GRID2: variants seen among roughly 807,000 people sequenced by gnomAD.
The protein encoded by GRID2 is glutamate ionotropic receptor delta type subunit 2, also known as glutamate receptor ionotropic, delta-2.
Under a neutral mutation model 114.8 loss-of-function variants are expected in GRID2, and 33 were observed. The ratio of observed to expected loss-of-function variants is 0.29; its 90% CI spans 0.22 to 0.38. The LOEUF is 0.38. Among genes scored for constraint, GRID2 ranks in the 10% least tolerant of loss-of-function variants. GRID2 has a pLI of 1.00. For missense variants in GRID2, 1,184 were observed against 1,257.7 expected (o/e 0.94, Z 0.89); for synonymous variants, 505 against 449.9 (o/e 1.12, Z -1.55).
chr4:93,744,983 C>CA (rs942947550), intron 14 of GRID2, among the ~76,000 whole-genome samples: 3 of 152,032 alleles, frequency 2.0e-5, no homozygotes, highest in Non-Finnish European at 4.4e-5. Flanking sequence ...GCATTTTTAG[C>CA]AAAAATATTT....
intron 14 of GRID2, among the ~76,000 whole-genome samples, chr4:93,755,997 G>T (rs558072555): frequency 6.5e-4 from 99 of 152,182 alleles, no homozygotes; most frequent in African/African-American, 2.2e-3. Flanking sequence ...AATAAAATTT[G>T]GTACTTACCT....
At chr4:93,268,022 G>T (rs1228652625) in intron 8 of GRID2, among the ~76,000 whole-genome samples, 2 of 152,148 alleles carry the variant, frequency 1.3e-5, no homozygotes, top group Non-Finnish European at 2.9e-5. Flanking sequence ...GTATTGCAGA[G>T]ACACTCACCT....
intron 1 of GRID2, among the ~76,000 whole-genome samples, chr4:92,386,818 A>T (rs1444325082): frequency 1.3e-5 from 2 of 151,924 alleles, no homozygotes; most frequent in African/African-American, 2.4e-5. Context: ...ACAAGAGAAG[A>T]AAAACAGGCA....
In GRID2 at chr4:93,332,295, T is replaced by TGAGAGA. The variant is rs1353456848; in HGVS notation, c.1246-63311_1246-63310insAGAGAG. Among the ~76,000 whole-genome samples the TGAGAGA allele has an allele frequency of 1.4e-3, 175 of 128,946 alleles. 1 individual carries two copies. Among genetic ancestry groups the TGAGAGA allele is most frequent in the African/African-American group, 4.9e-3 (146 of 29,516 alleles). The allele number at this position is 128,946 out of a possible 152,430, so 84.6% of individuals were successfully genotyped here. A position where few individuals can be genotyped will look rare whatever the true frequency, so the allele number is the denominator to read the frequency against. The stretch of plus-strand genomic sequence containing the variant: ...GTGTGTGTGTGTGTGTGTGTGTGTG[T>TGAGAGA]GTGTGAGAGAGAGAGAGAGAGAGAG... On this transcript the variant is annotated intron_variant, in intron 8 of 15. Transcript: ENST00000282020.
At chr4:93,010,592 T>G (rs559833786) in intron 2 of GRID2, among the ~76,000 whole-genome samples, 1 of 152,294 alleles carries the variant, frequency 6.6e-6, no homozygotes, top group African/African-American at 2.4e-5. Flanking sequence ...CCTTGCATTT[T>G]TTAAAAAAGG....
chr4:93,684,520 G>A (rs1407066673), intron 14 of GRID2, among the ~76,000 whole-genome samples: 2 of 152,102 alleles, frequency 1.3e-5, no homozygotes, highest in Non-Finnish European at 2.9e-5. Flanking sequence ...GTGAAACAAA[G>A]AGAATGCTAA....
intron 4 of GRID2, among the ~76,000 whole-genome samples, chr4:93,128,051 A>AC (rs1734453397): frequency 2.3e-5 from 3 of 130,504 alleles, no homozygotes; most frequent in African/African-American, 1.0e-4. Flanking sequence ...AAAAAAAAAA[A>AC]AAAAAAAACA....
rs183805974 is a variant in GRID2, at chr4:92,907,822, G to A, written c.245-177173G>A. Among the ~76,000 whole-genome samples, 443 of 152,110 alleles carry A rather than the reference G, an allele frequency of 2.9e-3. 2 individuals carry two copies. Among genetic ancestry groups the A allele is most frequent in the Middle Eastern group, 0.014 (4 of 290 alleles). Reference sequence around the variant, plus strand: ...GCAGATCACCTGAGGTTAGGAGTTCGAGACCAGCCTGACCAACATGGTGAA... The same window carrying A: ...GCAGATCACCTGAGGTTAGGAGTTCAAGACCAGCCTGACCAACATGGTGAA... On this transcript the variant is annotated intron_variant, in intron 2 of 15. Transcript: ENST00000282020.
At chr4:92,505,369 C>G (rs527881190) in intron 1 of GRID2, among the ~76,000 whole-genome samples, 2 of 152,166 alleles carry the variant, frequency 1.3e-5, no homozygotes, top group Non-Finnish European at 2.9e-5. Flanking sequence ...AGAGTCATAT[C>G]AAGTGCTCCT....
At chr4:92,589,731 T>A (rs188627375) in intron 1 of GRID2, among the ~76,000 whole-genome samples, 43 of 152,314 alleles carry the variant, frequency 2.8e-4, no homozygotes, top group Admixed American at 1.2e-3. Context: ...TCCTATATAT[T>A]CTATGAATGG....
At chr4:92,323,630 A>G (rs979839043) in intron 1 of GRID2, among the ~76,000 whole-genome samples, 11 of 151,908 alleles carry the variant, frequency 7.2e-5, no homozygotes, top group Non-Finnish European at 2.9e-5. Flanking sequence ...TGGTCTTATC[A>G]CTTTCTATGT....
At chr4:93,675,864 G>C (rs1400845393) in intron 14 of GRID2, among the ~76,000 whole-genome samples, 1 of 152,118 alleles carries the variant, frequency 6.6e-6, no homozygotes, top group Non-Finnish European at 1.5e-5. Flanking sequence ...AATAATAATG[G>C]CTTATACTTT....
intron 13 of GRID2, among the ~76,000 whole-genome samples, chr4:93,583,557 C>T (rs1170162137): frequency 6.6e-6 from 1 of 151,944 alleles, no homozygotes; most frequent in Non-Finnish European, 1.5e-5. Context: ...CATCCAATCC[C>T]CATAACAATC....
At chr4:93,673,175 A>G (rs1216522029) in intron 14 of GRID2, among the ~76,000 whole-genome samples, 1 of 152,196 alleles carries the variant, frequency 6.6e-6, no homozygotes, top group African/African-American at 2.4e-5. Context: ...TAGAGATTAA[A>G]CAGAGCAGGT....
intron 2 of GRID2, among the ~76,000 whole-genome samples, chr4:93,010,710 AT>A (rs565299524): frequency 6.6e-6 from 1 of 151,828 alleles, no homozygotes; most frequent in Non-Finnish European, 1.5e-5. Flanking sequence ...ACTCCAGAGG[AT>A]TTTTTTTAAA....
At chr4:92,305,203 C>T (rs778103922) in intron 1 of GRID2, among the ~76,000 whole-genome samples, 2 of 152,118 alleles carry the variant, frequency 1.3e-5, no homozygotes, top group Non-Finnish European at 2.9e-5. Flanking sequence ...CCCTTCGGAT[C>T]GAACAGGTGG....
At chr4:93,266,464 C>T (rs529131101) in intron 8 of GRID2, among the ~76,000 whole-genome samples, 4 of 152,194 alleles carry the variant, frequency 2.6e-5, no homozygotes, top group Non-Finnish European at 5.9e-5. Flanking sequence ...GTTCACCACT[C>T]CCCTCCCACA....
intron 15 of GRID2, among the ~76,000 whole-genome samples, chr4:93,770,557 A>G (rs894924171): frequency 1.3e-5 from 2 of 152,222 alleles, no homozygotes; most frequent in African/African-American, 4.8e-5. Flanking sequence ...GGCTTTAGCA[A>G]AGATGAATTT....
At chr4:92,373,989 T>C (rs1229249659) in intron 1 of GRID2, among the ~76,000 whole-genome samples, 1 of 152,060 alleles carries the variant, frequency 6.6e-6, no homozygotes, top group Non-Finnish European at 1.5e-5. Context: ...GTTTGATACA[T>C]ATGTGTTGAA....
Sources: allele counts gnomAD v4.1 joint callset (sites outside exome capture counted in the v4.1 genomes callset), GRCh38; gene constraint gnomAD v4.1.1; transcripts MANE v1.5; gene names NCBI Gene and HGNC (gene_info 2026-07-23, HGNC 2026-07-21).